Variants in AFG2A observed in about 807,000 individuals in gnomAD.
The protein encoded by AFG2A is AAA ATPase AFG2A.
the AFG2A span, among the ~76,000 whole-genome samples, chr4:122,940,372 C>T: frequency 6.6e-6 from 1 of 152,204 alleles, no homozygotes; most frequent in Non-Finnish European, 1.5e-5. Flanking sequence ...TTGCATTTCT[C>T]TGATGGCCAG....
the AFG2A span, among the ~76,000 whole-genome samples, chr4:123,120,304 A>T: frequency 6.6e-6 from 1 of 152,046 alleles, no homozygotes; most frequent in African/African-American, 2.4e-5. Flanking sequence ...ATTTTTTCAC[A>T]TTGTCTGTCT....
At chr4:123,028,147 CT>C in the AFG2A span, 2 of 1,556,414 alleles carry the variant, frequency 1.3e-6, no homozygotes, top group South Asian at 1.2e-5. Flanking sequence ...TCTGTTTGTC[CT>C]GGCAAAACTT....
the AFG2A span, among the ~76,000 whole-genome samples, chr4:123,023,895 G>A: frequency 1.3e-5 from 2 of 151,922 alleles, no homozygotes; most frequent in Admixed American, 1.3e-4. Context: ...CAGCGATTTG[G>A]CTTCCGTTCT....
chr4:123,213,223 G>A, the AFG2A span, among the ~76,000 whole-genome samples: 2 of 152,066 alleles, frequency 1.3e-5, no homozygotes, highest in Admixed American at 6.6e-5. Flanking sequence ...TGATCTTCGT[G>A]TACAAGCTAA....
chr4:123,189,746 A>G, the AFG2A span, among the ~76,000 whole-genome samples: 1 of 149,660 alleles, frequency 6.7e-6, no homozygotes, highest in Non-Finnish European at 1.5e-5. Flanking sequence ...ACTTTTGCAT[A>G]GATTAATTGT....
chr4:122,925,650 C>T, the AFG2A span, among the ~76,000 whole-genome samples: 17 of 152,208 alleles, frequency 1.1e-4, no homozygotes, highest in African/African-American at 4.1e-4. Context: ...ATCTTAACAT[C>T]ACTTCCTTTG....
chr4:123,157,811 A>G, the AFG2A span, among the ~76,000 whole-genome samples: 4 of 152,196 alleles, frequency 2.6e-5, no homozygotes, highest in Non-Finnish European at 5.9e-5. Context: ...TCCCCCCTCT[A>G]TAAAAGAACA....
the AFG2A span, among the ~76,000 whole-genome samples, chr4:123,156,824 T>C: frequency 6.6e-6 from 1 of 151,812 alleles, no homozygotes; most frequent in East Asian, 1.9e-4. Flanking sequence ...CTGATAGTTT[T>C]TTTTTGGATA....
chr4:123,105,559 TC>T, the AFG2A span, among the ~76,000 whole-genome samples: 2 of 151,770 alleles, frequency 1.3e-5, no homozygotes. Context: ...TTGAAAGGAG[TC>T]ACCATTCTAG....
the AFG2A span, among the ~76,000 whole-genome samples, chr4:122,940,302 T>C: frequency 6.6e-6 from 1 of 152,174 alleles, no homozygotes; most frequent in African/African-American, 2.4e-5. Context: ...TGTTGTTTCC[T>C]GACTTTTTAA....
the AFG2A span, among the ~76,000 whole-genome samples, chr4:123,007,975 C>A: frequency 6.6e-5 from 10 of 151,924 alleles, no homozygotes; most frequent in Non-Finnish European, 1.3e-4. Flanking sequence ...TTGTTTACTT[C>A]TTTTAGTTTA....
At chr4:123,087,414 G>C in the AFG2A span, among the ~76,000 whole-genome samples, 1 of 152,118 alleles carries the variant, frequency 6.6e-6, no homozygotes, top group Non-Finnish European at 1.5e-5. Flanking sequence ...TGGGTCAGTT[G>C]GTGTCTAATA....
chr4:123,015,817 C>A, the AFG2A span, among the ~76,000 whole-genome samples: 2 of 64,342 alleles, frequency 3.1e-5, no homozygotes, highest in African/African-American at 9.0e-5. Context: ...GGGGCTGACC[C>A]CCCCACCTCC....
chr4:123,289,629 C>G, the AFG2A span, among the ~76,000 whole-genome samples: 51 of 152,132 alleles, frequency 3.4e-4, no homozygotes, highest in Admixed American at 3.3e-3. Context: ...ACCTTCTCAC[C>G]ACTAGTGTAT....
At chr4:122,966,918 G>T in the AFG2A span, among the ~76,000 whole-genome samples, 1 of 152,100 alleles carries the variant, frequency 6.6e-6, no homozygotes, top group Non-Finnish European at 1.5e-5. Flanking sequence ...TGAATATTTT[G>T]AGTGAATAGA....
the AFG2A span, among the ~76,000 whole-genome samples, chr4:123,192,311 G>A: frequency 6.6e-6 from 1 of 152,068 alleles, no homozygotes; most frequent in Non-Finnish European, 1.5e-5. Context: ...ACAGGTGTGA[G>A]CCACCACCGC....
the AFG2A span, among the ~76,000 whole-genome samples, chr4:123,063,769 G>T: frequency 5.3e-5 from 8 of 151,846 alleles, no homozygotes; most frequent in Admixed American, 2.6e-4. Flanking sequence ...GAAGAAGAAG[G>T]TTTCAAGAAT....
the AFG2A span, among the ~76,000 whole-genome samples, chr4:122,925,860 A>C: frequency 6.6e-6 from 1 of 152,262 alleles, no homozygotes; most frequent in Admixed American, 6.5e-5. Context: ...AGTATCTTTC[A>C]TATAGTAGGC....
chr4:123,233,860 G>T, the AFG2A span, among the ~76,000 whole-genome samples: 3 of 152,054 alleles, frequency 2.0e-5, no homozygotes, highest in Non-Finnish European at 4.4e-5. Flanking sequence ...AGCCAGCCCA[G>T]GCACATCTTA....
Sources: gnomAD v4.1 joint callset for allele counts (sites outside exome capture counted in the v4.1 genomes callset) on GRCh38, gnomAD v4.1.1 for gene constraint, MANE v1.5 for transcripts, NCBI Gene and HGNC (gene_info 2026-07-23, HGNC 2026-07-21) for gene names.